Variants in ZFAND3 observed in about 807,000 individuals in gnomAD.
ZFAND3 encodes the protein AN1-type zinc finger protein 3.
ZFAND3 carries 10 observed loss-of-function variants against 29.6 expected under a neutral mutation model. That is an observed-to-expected ratio of 0.34 (90% CI 0.21 to 0.57). The LOEUF (loss-of-function observed/expected upper bound fraction) is 0.57, where lower values mean the gene tolerates loss of function less well. Ranked by LOEUF, ZFAND3 falls within the 20% of genes least tolerant of loss-of-function variation. The pLI is 0.86. For missense variants in ZFAND3, 230 were observed against 304.5 expected (o/e 0.76, Z 1.82); for synonymous variants, 128 against 112.6 (o/e 1.14, Z -0.87).
chr6:37,963,791 T>TC, intron 2 of ZFAND3, among the ~76,000 whole-genome samples: 1 of 152,322 alleles, frequency 6.6e-6, no homozygotes, highest in East Asian at 1.9e-4. Context: ...GTTCTATTGA[T>TC]CTAGGTGTCA....
intron 5 of ZFAND3, among the ~76,000 whole-genome samples, chr6:38,135,242 G>A (rs1358368814): frequency 6.6e-6 from 1 of 152,226 alleles, no homozygotes; most frequent in Non-Finnish European, 1.5e-5. Flanking sequence ...GATCTGGATA[G>A]TTGAGACTGA....
intron 2 of ZFAND3, among the ~76,000 whole-genome samples, chr6:38,046,162 C>T (rs546922684): frequency 5.3e-5 from 8 of 152,222 alleles, no homozygotes; most frequent in Middle Eastern, 6.8e-3. Flanking sequence ...AATGCAAGAT[C>T]TAAGCCTAAT....
At chr6:37,851,260 T>G (rs1037099158) in intron 1 of ZFAND3, among the ~76,000 whole-genome samples, 3 of 151,994 alleles carry the variant, frequency 2.0e-5, no homozygotes, top group Non-Finnish European at 4.4e-5. Context: ...GTGCTGGGAT[T>G]ACAGGTGTGA....
rs16890370 is a variant in ZFAND3 at position 38,112,655 on chromosome 6, A to G, written c.362-3917A>G. On this transcript the variant is annotated intron_variant, in intron 4 of 5. Coordinates refer to ENST00000287218, the MANE Select transcript of ZFAND3 (RefSeq NM_021943.3). ...GTAGTAGATGGTTGCTTTAATGTCA[A>G]CCATGTTTGGATTTTTTTTTCCTGG... 0.014 allele frequency among the ~76,000 whole-genome samples: 2,149 copies of G among 152,324 alleles called. 249 individuals carry two copies. The East Asian group carries it at 0.28, about 20-fold the overall frequency.
intron 3 of ZFAND3, among the ~76,000 whole-genome samples, chr6:38,080,068 A>C (rs1764631360): frequency 1.3e-5 from 2 of 151,588 alleles, no homozygotes; most frequent in Admixed American, 6.6e-5. Context: ...AAAAAAAAAA[A>C]CACCACATGT....
At chr6:38,029,901 A>C (rs1763519050) in intron 2 of ZFAND3, among the ~76,000 whole-genome samples, 1 of 152,014 alleles carries the variant, frequency 6.6e-6, no homozygotes, top group Non-Finnish European at 1.5e-5. Context: ...GCAAATACAA[A>C]TAAGAAAAAC....
At chr6:37,943,905 C>T (rs1338238867) in intron 2 of ZFAND3, among the ~76,000 whole-genome samples, 1 of 152,156 alleles carries the variant, frequency 6.6e-6, no homozygotes, top group East Asian at 1.9e-4. Flanking sequence ...TTCCTTTCTC[C>T]TTCCAGTGTT....
chr6:37,973,704 T>C (rs1762429436), intron 2 of ZFAND3, among the ~76,000 whole-genome samples: 1 of 152,246 alleles, frequency 6.6e-6, no homozygotes, highest in East Asian at 1.9e-4. Context: ...AAAGTGATCC[T>C]TTGTGATTTT....
intron 5 of ZFAND3, among the ~76,000 whole-genome samples, chr6:38,127,636 A>C (rs189512502): frequency 4.9e-4 from 74 of 152,072 alleles, no homozygotes; most frequent in Admixed American, 1.8e-3. Context: ...GTGTGTAGAT[A>C]ATAGAATCAC....
intron 1 of ZFAND3, among the ~76,000 whole-genome samples, chr6:37,822,878 A>G (rs1763692143): frequency 6.6e-6 from 1 of 152,130 alleles, no homozygotes; most frequent in African/African-American, 2.4e-5. Flanking sequence ...ATCACAATCT[A>G]GAGATAAGGG....
At chr6:38,087,408 A>C (rs2127472617) in intron 4 of ZFAND3, among the ~76,000 whole-genome samples, 1 of 152,352 alleles carries the variant, frequency 6.6e-6, no homozygotes, top group South Asian at 2.1e-4. Flanking sequence ...GACAACCCAG[A>C]GAATGGGAGA....
intron 5 of ZFAND3, among the ~76,000 whole-genome samples, chr6:38,143,499 T>C (rs1288288220): frequency 6.6e-6 from 1 of 152,288 alleles, no homozygotes; most frequent in Non-Finnish European, 1.5e-5. Context: ...CTTTTGGTTC[T>C]AACATTTAGC....
At chr6:37,858,102 A>G (rs777464233) in intron 1 of ZFAND3, among the ~76,000 whole-genome samples, 2 of 152,052 alleles carry the variant, frequency 1.3e-5, no homozygotes, top group Admixed American at 6.6e-5. Context: ...TGTTTGTGAG[A>G]GGGTCTTTTT....
At chr6:37,824,439 A>T (rs530671915) in intron 1 of ZFAND3, among the ~76,000 whole-genome samples, 5 of 152,234 alleles carry the variant, frequency 3.3e-5, no homozygotes, top group African/African-American at 1.2e-4. Context: ...GTATAAGAAT[A>T]TAGTATGTGT....
chr6:38,052,468 A>G (rs75740926), intron 2 of ZFAND3, among the ~76,000 whole-genome samples: 10,361 of 152,232 alleles, frequency 0.068, 422 homozygotes, highest in Non-Finnish European at 0.087. Flanking sequence ...AAGAGAATTA[A>G]TATTTTTCAA....
At chr6:37,872,320 A>G (rs1764709545) in intron 1 of ZFAND3, among the ~76,000 whole-genome samples, 1 of 152,138 alleles carries the variant, frequency 6.6e-6, no homozygotes, top group African/African-American at 2.4e-5. Context: ...GTTACTTTTT[A>G]TGTTTTGTCC....
At chr6:37,958,665 A>C (rs1337728037) in intron 2 of ZFAND3, among the ~76,000 whole-genome samples, 1 of 152,128 alleles carries the variant, frequency 6.6e-6, no homozygotes, top group Non-Finnish European at 1.5e-5. Flanking sequence ...GCTTGGGATG[A>C]GTATGTATAC....
chr6:38,143,121 T>C (rs1246464860), intron 5 of ZFAND3: 1 of 152,244 alleles, frequency 6.6e-6, no homozygotes, highest in Non-Finnish European at 1.5e-5. Flanking sequence ...GGCTGTCAGG[T>C]AAAGTGAGGG....
chr6:38,000,963 A>G (rs1018880637), intron 2 of ZFAND3, among the ~76,000 whole-genome samples: 3 of 152,164 alleles, frequency 2.0e-5, no homozygotes, highest in Admixed American at 6.5e-5. Context: ...AGAAGTAGAA[A>G]TATTCATGAA....
Sources: allele counts gnomAD v4.1 joint callset (sites outside exome capture counted in the v4.1 genomes callset), GRCh38; gene constraint gnomAD v4.1.1; transcripts MANE v1.5; gene names NCBI Gene and HGNC (gene_info 2026-07-23, HGNC 2026-07-21).